The following PDE10A variants were observed in gnomAD, a reference collection of about 807,000 sequenced individuals.
PDE10A encodes phosphodiesterase 10A, also known as cAMP and cAMP-inhibited cGMP 3',5'-cyclic phosphodiesterase 10A.
In PDE10A, 39 loss-of-function variants were observed where a neutral mutation model predicts 97.7. The ratio of observed to expected loss-of-function variants is 0.40; its 90% confidence interval spans 0.31 to 0.52. PDE10A has a LOEUF of 0.52. Among genes scored for constraint, PDE10A ranks in the 20% least tolerant of loss-of-function variants. PDE10A has a pLI of 0.56. For missense variants in PDE10A, 731 were observed against 1,047.8 expected (o/e 0.70, Z 4.17); for synonymous variants, 371 against 376.8 (o/e 0.98, Z 0.18).
chr6:165,837,819 G>A (rs890838421), intron 1 of PDE10A, among the ~76,000 whole-genome samples: 10 of 152,034 alleles, frequency 6.6e-5, no homozygotes, highest in African/African-American at 2.4e-4. Context: ...CTGAGTAGCT[G>A]GGACTACAGG....
intron 13 of PDE10A, among the ~76,000 whole-genome samples, chr6:165,410,495 A>AGG (rs59912764): frequency 0.69 from 104,262 of 151,934 alleles, 36,385 homozygotes; most frequent in Middle Eastern, 0.84. Flanking sequence ...AGATGGCTAG[A>AGG]GCATTCTGTG....
At chr6:165,727,542 G>C (rs1404427266) in intron 1 of PDE10A, among the ~76,000 whole-genome samples, 3 of 152,164 alleles carry the variant, frequency 2.0e-5, no homozygotes, top group Non-Finnish European at 2.9e-5. Flanking sequence ...AAATGACATA[G>C]AGCCCAGGAG....
intron 1 of PDE10A, among the ~76,000 whole-genome samples, chr6:165,950,606 T>C (rs1783922715): frequency 2.0e-5 from 3 of 152,172 alleles, no homozygotes; most frequent in Admixed American, 2.0e-4. Context: ...AGACTCCCAA[T>C]ACCTGTGCAG....
chr6:165,871,338 T>C (rs1047060487), intron 1 of PDE10A, among the ~76,000 whole-genome samples: 12 of 152,208 alleles, frequency 7.9e-5, no homozygotes. Flanking sequence ...TTTACTTTTT[T>C]AACTAGAACA....
intron 1 of PDE10A, among the ~76,000 whole-genome samples, chr6:165,659,338 T>C (rs1790119758): frequency 6.6e-6 from 1 of 152,174 alleles, no homozygotes; most frequent in Non-Finnish European, 1.5e-5. Flanking sequence ...TTGGCCATTC[T>C]AAAATTTTTA....
intron 3 of PDE10A, among the ~76,000 whole-genome samples, chr6:165,460,120 C>T (rs1356643556): frequency 1.3e-5 from 2 of 152,300 alleles, no homozygotes; most frequent in Non-Finnish European, 2.9e-5. Flanking sequence ...CTGCCACAGC[C>T]GGTAGTGCCG....
chr6:165,813,889 T>C (rs77542898), intron 1 of PDE10A, among the ~76,000 whole-genome samples: 1,640 of 151,886 alleles, frequency 0.011, 19 homozygotes, highest in Middle Eastern at 0.02. Flanking sequence ...CTTCCCAGAG[T>C]GTATTTCTTA....
chr6:165,924,598 T>C (rs994585900), intron 1 of PDE10A, among the ~76,000 whole-genome samples: 8 of 152,212 alleles, frequency 5.3e-5, no homozygotes, highest in Non-Finnish European at 1.2e-4. Flanking sequence ...GGTTTCCATG[T>C]TGCATAGAAG....
At chr6:165,536,506 G>C (rs1185754124) in intron 2 of PDE10A, among the ~76,000 whole-genome samples, 2 of 151,070 alleles carry the variant, frequency 1.3e-5, no homozygotes, top group African/African-American at 4.9e-5. Flanking sequence ...AAAGTGAAGA[G>C]ACAACCTACA....
chr6:165,449,937 T>A (rs185557582), intron 4 of PDE10A, among the ~76,000 whole-genome samples: 35 of 152,268 alleles, frequency 2.3e-4, no homozygotes, highest in Non-Finnish European at 4.1e-4. Flanking sequence ...TAATATATTT[T>A]ATAAAGATGT....
chr6:165,934,101 A>G (rs1179881748), intron 1 of PDE10A, among the ~76,000 whole-genome samples: 1 of 149,414 alleles, frequency 6.7e-6, no homozygotes, highest in Non-Finnish European at 1.5e-5. Flanking sequence ...CTCCTGCCTC[A>G]GCCTCTCGAG....
intron 1 of PDE10A, among the ~76,000 whole-genome samples, chr6:165,785,660 G>C (rs1778473520): frequency 6.6e-6 from 1 of 152,176 alleles, no homozygotes. Flanking sequence ...AAATAGTCCT[G>C]ATGCTAAATC....
At chr6:165,894,701 C>T (rs1319479913) in intron 1 of PDE10A, 2 of 343,122 alleles carry the variant, frequency 5.8e-6, no homozygotes, top group Admixed American at 3.8e-5. Flanking sequence ...CAGAGGGTCA[C>T]CTTTTAGGAT....
chr6:165,568,589 A>G (rs760746269), intron 1 of PDE10A, among the ~76,000 whole-genome samples: 8 of 152,136 alleles, frequency 5.3e-5, no homozygotes, highest in Non-Finnish European at 1.2e-4. Flanking sequence ...TGCTTATCAG[A>G]TCAACTGTCA....
intron 1 of PDE10A, among the ~76,000 whole-genome samples, chr6:165,639,403 T>C (rs1440694446): frequency 6.6e-6 from 1 of 152,030 alleles, no homozygotes; most frequent in Non-Finnish European, 1.5e-5. Context: ...AAGAAAGCCA[T>C]ACCTATTATA....
intron 1 of PDE10A, among the ~76,000 whole-genome samples, chr6:165,962,077 G>A (rs913429395): frequency 2.5e-4 from 38 of 152,370 alleles, no homozygotes; most frequent in African/African-American, 8.9e-4. Flanking sequence ...GGCTCAGACA[G>A]TAAATTGCCC....
At chr6:165,738,584 C>A (rs1792641515) in intron 1 of PDE10A, among the ~76,000 whole-genome samples, 2 of 151,844 alleles carry the variant, frequency 1.3e-5, no homozygotes, top group Admixed American at 1.3e-4. Flanking sequence ...TGAGGAATCG[C>A]CACACTGACT....
At chr6:165,801,486 G>C (rs112329366) in intron 1 of PDE10A, among the ~76,000 whole-genome samples, 2 of 152,272 alleles carry the variant, frequency 1.3e-5, no homozygotes, top group East Asian at 3.9e-4. Context: ...CAGAGGTTGT[G>C]GTGAGCCAAG....
At chr6:165,548,276 C>CTTT (rs57134252) in intron 1 of PDE10A, among the ~76,000 whole-genome samples, 31 of 105,628 alleles carry the variant, frequency 2.9e-4, no homozygotes, top group African/African-American at 5.6e-4. Context: ...CTTTAAATCT[C>CTTT]TTTTTTTTTT....
Sources: allele counts gnomAD v4.1 joint callset (sites outside exome capture counted in the v4.1 genomes callset), GRCh38; gene constraint gnomAD v4.1.1; transcripts MANE v1.5; gene names NCBI Gene and HGNC (gene_info 2026-07-23, HGNC 2026-07-21).